CDH18: variants seen among roughly 807,000 people sequenced by gnomAD.
CDH18 encodes cadherin 18.
A neutral mutation model predicts 67.9 loss-of-function variants in CDH18; 31 were observed. The ratio of observed to expected loss-of-function variants is 0.46; its 90% CI spans 0.34 to 0.62. The LOEUF (loss-of-function observed/expected upper bound fraction) is 0.62. Ranked by LOEUF, CDH18 falls within the 20% of genes least tolerant of loss-of-function variation. The pLI is 0.01. For synonymous variants in CDH18, 362 were observed against 347.2 expected (o/e 1.04, Z -0.48); for missense variants, 890 against 975.5 (o/e 0.91, Z 1.17).
chr5:20,032,237 G>GTA (rs938628490), intron 2 of CDH18, among the ~76,000 whole-genome samples: 34 of 149,976 alleles, frequency 2.3e-4, no homozygotes, highest in East Asian at 1.4e-3. Context: ...ATATGTGCAT[G>GTA]TATATATATA....
At chr5:19,755,753 C>T (rs961422597) in intron 3 of CDH18, among the ~76,000 whole-genome samples, 14 of 151,232 alleles carry the variant, frequency 9.3e-5, no homozygotes, top group African/African-American at 2.4e-4. Context: ...ACTTGGAGTC[C>T]AATGTTTGAG....
intron 2 of CDH18, among the ~76,000 whole-genome samples, chr5:20,085,238 A>C (rs1744840032): frequency 6.6e-6 from 1 of 152,158 alleles, no homozygotes; most frequent in Non-Finnish European, 1.5e-5. Context: ...TATCTAGAGA[A>C]GGGGCAAAAT....
chr5:19,997,719 C>A (rs1561699115), intron 2 of CDH18, among the ~76,000 whole-genome samples: 1 of 152,124 alleles, frequency 6.6e-6, no homozygotes, highest in Admixed American at 6.5e-5. Context: ...TGGACTGCAA[C>A]AATGGTAAGC....
At chr5:19,892,360 TC>T (rs1213678582) in intron 2 of CDH18, among the ~76,000 whole-genome samples, 1 of 152,138 alleles carries the variant, frequency 6.6e-6, no homozygotes, top group East Asian at 1.9e-4. Flanking sequence ...ATAAGGAAAT[TC>T]AATTTTACTT....
rs1304160144 is a variant in CDH18, at chr5:19,612,488, T to C, written c.757A>G (p.Thr253Ala). The C allele has an allele frequency of 1.9e-6, 3 of 1,614,104 alleles. No homozygotes were observed. Among genetic ancestry groups the C allele is most frequent in the African/African-American group, 1.3e-5 (1 of 75,040 alleles). Residue 253 changes from threonine (T) to alanine (A), a missense_variant, in exon 6 of 13, where the codon ACA (threonine) becomes GCA (alanine). Transcript: ENST00000382275. ...GQVGGLSGST[T>A]VNITLTDVND... ...ACATCGGTTAAGGTGATGTTGACTGTTGTAGATCCTGAAAGCCCTCCAACT... is the reference window on the plus strand; with the variant it reads ...ACATCGGTTAAGGTGATGTTGACTGCTGTAGATCCTGAAAGCCCTCCAACT...
chr5:19,743,163 G>C (rs1260377602), intron 4 of CDH18, among the ~76,000 whole-genome samples: 1 of 152,126 alleles, frequency 6.6e-6, no homozygotes, highest in Non-Finnish European at 1.5e-5. Context: ...AGCCTGGATA[G>C]TCATTAGATA....
chr5:20,089,051 G>A (rs182290964), intron 2 of CDH18, among the ~76,000 whole-genome samples: 1 of 152,172 alleles, frequency 6.6e-6, no homozygotes, highest in Admixed American at 6.5e-5. Context: ...ATAGGAATAT[G>A]AGAGAGATAG....
intron 1 of CDH18, among the ~76,000 whole-genome samples, chr5:20,401,417 T>C (rs1480201740): frequency 2.6e-5 from 4 of 152,134 alleles, no homozygotes; most frequent in Admixed American, 6.5e-5. Context: ...AAATGTTGAG[T>C]TTCCAACTTT....
chr5:20,185,950 A>G (rs1738066771), intron 2 of CDH18, among the ~76,000 whole-genome samples: 1 of 152,014 alleles, frequency 6.6e-6, no homozygotes, highest in Non-Finnish European at 1.5e-5. Context: ...GAAGAAGAGA[A>G]TGAATGAAGT....
intron 2 of CDH18, among the ~76,000 whole-genome samples, chr5:20,234,114 A>G (rs997405618): frequency 6.6e-6 from 1 of 152,136 alleles, no homozygotes; most frequent in African/African-American, 2.4e-5. Context: ...GCAGTCCTAC[A>G]CCAGCCAATT....
chr5:20,112,690 G>A (rs1898160), intron 2 of CDH18, among the ~76,000 whole-genome samples: 119,976 of 152,040 alleles, frequency 0.79, 50,076 homozygotes, highest in Non-Finnish European at 0.92. Flanking sequence ...CTCCAGCCTG[G>A]CGATAGAGGG....
intron 10 of CDH18, among the ~76,000 whole-genome samples, chr5:19,504,695 C>G (rs1743809387): frequency 1.3e-5 from 2 of 152,070 alleles, no homozygotes; most frequent in Admixed American, 6.6e-5. Flanking sequence ...TATAATGTTA[C>G]CTCTTTTTTC....
rs1031559870 is a variant in CDH18, at chr5:20,419,759, G to C, written c.-580+155703C>G. Among the ~76,000 whole-genome samples, 16 of 150,908 alleles carry C rather than the reference G, an allele frequency of 1.1e-4. 1 individual carries two copies. The highest frequency in any genetic ancestry group is 4.0e-4 in the African/African-American group (16 of 40,280). ...CCCAAAGTTCTGGGATTACAGGCGT[G>C]AGCCGCCGCGCCTGTCCCTGGGACT... is the stretch of plus-strand genomic sequence containing the variant. On this transcript the variant is annotated intron_variant, in intron 1 of 14. Transcript: ENST00000507958.
chr5:20,300,360 G>A (rs1427296658), intron 1 of CDH18, among the ~76,000 whole-genome samples: 1 of 151,382 alleles, frequency 6.6e-6, no homozygotes, highest in Non-Finnish European at 1.5e-5. Context: ...TAATGCATTT[G>A]AACATTAGTC....
chr5:19,781,675 T>C lies in CDH18; in HGVS notation c.229-34439A>G, dbSNP rs185978678. The stretch of plus-strand genomic sequence containing the variant: ...AATGATTTGGTATTTTCATATTTTT[T>C]TCTCTCTCAACGTTAGAGTTTCTAG... On this transcript the variant is annotated intron_variant, in intron 3 of 12. Coordinates refer to ENST00000382275, the MANE Select transcript of CDH18 (RefSeq NM_004934.5). Among the ~76,000 whole-genome samples, 42 of 152,308 alleles carry C rather than the reference T, an allele frequency of 2.8e-4. No homozygotes were observed. The East Asian group carries it at 7.7e-3, about 28-fold the overall frequency.
chr5:20,134,453 C>G (rs982424592), intron 2 of CDH18, among the ~76,000 whole-genome samples: 1 of 152,190 alleles, frequency 6.6e-6, no homozygotes, highest in South Asian at 2.1e-4. Context: ...TTTTTAATTT[C>G]TAGCATTTTA....
intron 2 of CDH18, among the ~76,000 whole-genome samples, chr5:20,110,639 G>A (rs1235924577): frequency 1.3e-5 from 2 of 151,982 alleles, no homozygotes; most frequent in African/African-American, 2.4e-5. Context: ...AGCTGAGATC[G>A]CACCACTGCA....
At chr5:19,725,571 A>T (rs1002322562) in intron 4 of CDH18, among the ~76,000 whole-genome samples, 15 of 152,156 alleles carry the variant, frequency 9.9e-5, no homozygotes, top group African/African-American at 3.6e-4. Context: ...GTGATTTGAG[A>T]CCAGCCTGAC....
intron 1 of CDH18, among the ~76,000 whole-genome samples, chr5:20,451,742 T>A (rs1444223021): frequency 6.6e-6 from 1 of 152,200 alleles, no homozygotes; most frequent in Non-Finnish European, 1.5e-5. Context: ...CACTTTTTAA[T>A]CAAATTGCCT....
Sources: gnomAD v4.1 joint callset for allele counts (sites outside exome capture counted in the v4.1 genomes callset) on GRCh38, gnomAD v4.1.1 for gene constraint, MANE v1.5 for transcripts, NCBI Gene and HGNC (gene_info 2026-07-23, HGNC 2026-07-21) for gene names.